Variants in SGCZ observed in about 807,000 individuals in gnomAD.
SGCZ encodes the protein sarcoglycan zeta, also known as zeta-sarcoglycan.
SGCZ carries 40 observed loss-of-function variants against 41.3 expected under a neutral mutation model. The observed-to-expected ratio is 0.97, with a 90% CI of 0.75 to 1.26. The LOEUF is 1.26. SGCZ is among the 50% of genes most tolerant of loss of function. The pLI is 0.00. For synonymous variants in SGCZ, 206 were observed against 137.5 expected, an observed-to-expected ratio of 1.50 and a Z score of -3.49; for missense variants, 552 against 369.8, an observed-to-expected ratio of 1.49 and a Z score of -4.04.
chr8:14,638,338 T>C (rs968392674), intron 1 of SGCZ, among the ~76,000 whole-genome samples: 3 of 151,844 alleles, frequency 2.0e-5, no homozygotes, highest in African/African-American at 7.2e-5. Flanking sequence ...CTAATTCCTC[T>C]TCTCTCTGCC....
intron 1 of SGCZ, among the ~76,000 whole-genome samples, chr8:14,996,816 T>C (rs1427307938): frequency 6.6e-6 from 1 of 152,232 alleles, no homozygotes; most frequent in Non-Finnish European, 1.5e-5. Flanking sequence ...TGCCACACTC[T>C]GTATTTGATA....
intron 1 of SGCZ, among the ~76,000 whole-genome samples, chr8:15,053,569 G>T (rs931480446): frequency 6.6e-6 from 1 of 151,980 alleles, no homozygotes; most frequent in Non-Finnish European, 1.5e-5. Flanking sequence ...GTAATTAGGT[G>T]AAAAACGATA....
intron 5 of SGCZ, among the ~76,000 whole-genome samples, chr8:14,163,453 C>T (rs1408804748): frequency 6.6e-6 from 1 of 152,056 alleles, no homozygotes; most frequent in African/African-American, 2.4e-5. Flanking sequence ...TAGTTTAATA[C>T]ACCTTTCTTG....
At chr8:14,339,815 G>C (rs1056735989) in intron 2 of SGCZ, among the ~76,000 whole-genome samples, 2 of 152,042 alleles carry the variant, frequency 1.3e-5, no homozygotes, top group Non-Finnish European at 2.9e-5. Flanking sequence ...TTTAAAATAT[G>C]TGCATAAAAT....
At chr8:14,322,668 T>G (rs1308739287) in intron 3 of SGCZ, among the ~76,000 whole-genome samples, 1 of 152,200 alleles carries the variant, frequency 6.6e-6, no homozygotes, top group East Asian at 1.9e-4. Context: ...AAATCATTTC[T>G]GCTGTCCCTG....
intron 1 of SGCZ, among the ~76,000 whole-genome samples, chr8:14,749,473 A>G (rs1160028707): frequency 6.6e-6 from 1 of 152,008 alleles, no homozygotes; most frequent in Non-Finnish European, 1.5e-5. Context: ...ATGTAATATA[A>G]TAAATCTAGG....
At chr8:14,460,416 G>T (rs188148157) in intron 2 of SGCZ, among the ~76,000 whole-genome samples, 3 of 152,170 alleles carry the variant, frequency 2.0e-5, no homozygotes, top group African/African-American at 7.2e-5. Context: ...CAATATACAA[G>T]AAATTGTATA....
chr8:14,269,030 CAAT>C (rs1457799052), intron 3 of SGCZ, among the ~76,000 whole-genome samples: 2 of 151,424 alleles, frequency 1.3e-5, no homozygotes, highest in East Asian at 1.9e-4. Flanking sequence ...ATATATAAAA[CAAT>C]AATAATCACA....
chr8:14,984,633 C>T (rs767667899), intron 1 of SGCZ, among the ~76,000 whole-genome samples: 5 of 152,092 alleles, frequency 3.3e-5, no homozygotes, highest in Admixed American at 6.6e-5. Context: ...TTTGGTCATT[C>T]GATCCAAATG....
Position 14,554,650 on chromosome 8 carries a change from T to C in SGCZ, c.234+82A>G, listed in dbSNP as rs987350553. 3 of 1,155,302 alleles carry C rather than the reference T, an allele frequency of 2.6e-6. No homozygotes were observed. In the Admixed American group the frequency reaches 7.8e-5, roughly 30 times the overall value. 71.6% of individuals were successfully genotyped at this position (1,155,302 alleles called of 1,614,324 possible). ...ACTTGTAAATATTGATATGAATAAC[T>C]TTTGATTAAAAAATTAAAGTAACAG... On this transcript the variant is annotated intron_variant, in intron 2 of 7. Coordinates refer to ENST00000382080, the MANE Select transcript of SGCZ (RefSeq NM_139167.4).
chr8:15,151,077 C>T (rs531262064), intron 1 of SGCZ, among the ~76,000 whole-genome samples: 1 of 152,366 alleles, frequency 6.6e-6, no homozygotes, highest in East Asian at 1.9e-4. Flanking sequence ...CACACATACA[C>T]ACTCACGCAC....
intron 4 of SGCZ, among the ~76,000 whole-genome samples, chr8:14,188,949 G>C (rs192643166): frequency 2.7e-5 from 4 of 150,726 alleles, no homozygotes; most frequent in Non-Finnish European, 4.4e-5. Context: ...TCCATCACCC[G>C]GGTTCAAGCA....
At chr8:14,404,615 G>C (rs1042264874) in intron 2 of SGCZ, among the ~76,000 whole-genome samples, 1 of 152,088 alleles carries the variant, frequency 6.6e-6, no homozygotes, top group African/African-American at 2.4e-5. Context: ...GGTGACACTG[G>C]GAATTAATAA....
At chr8:14,651,730 C>T (rs1455536855) in intron 1 of SGCZ, among the ~76,000 whole-genome samples, 1 of 151,918 alleles carries the variant, frequency 6.6e-6, no homozygotes, top group Non-Finnish European at 1.5e-5. Flanking sequence ...CTCATCTTGC[C>T]CATCCTTGCT....
At chr8:14,885,158 C>T (rs548150858) in intron 1 of SGCZ, among the ~76,000 whole-genome samples, 1 of 152,290 alleles carries the variant, frequency 6.6e-6, no homozygotes, top group East Asian at 1.9e-4. Flanking sequence ...TGCTTTGTAT[C>T]ACATACGAAT....
chr8:14,272,914 G>A (rs1800108318), intron 3 of SGCZ, among the ~76,000 whole-genome samples: 1 of 151,972 alleles, frequency 6.6e-6, no homozygotes. Context: ...ACTCTTAGAT[G>A]GAGATGATAA....
intron 1 of SGCZ, among the ~76,000 whole-genome samples, chr8:14,914,768 G>T (rs4831663): frequency 1.3e-5 from 2 of 152,162 alleles, no homozygotes; most frequent in African/African-American, 2.4e-5. Context: ...TCATTTCTTT[G>T]TATACTTCTG....
At chr8:14,477,704 T>A (rs1411031194) in intron 2 of SGCZ, among the ~76,000 whole-genome samples, 1 of 152,218 alleles carries the variant, frequency 6.6e-6, no homozygotes, top group Admixed American at 6.5e-5. Flanking sequence ...TGTTCTGCTT[T>A]TCCTAAGAAT....
intron 2 of SGCZ, among the ~76,000 whole-genome samples, chr8:14,513,576 A>C (rs1802528007): frequency 6.6e-6 from 1 of 152,068 alleles, no homozygotes; most frequent in Admixed American, 6.6e-5. Context: ...TAGCCCTTTC[A>C]GTCTATTTAA....
Sources: allele counts gnomAD v4.1 joint callset (sites outside exome capture counted in the v4.1 genomes callset), GRCh38; gene constraint gnomAD v4.1.1; transcripts MANE v1.5; gene names NCBI Gene and HGNC (gene_info 2026-07-23, HGNC 2026-07-21).